The following SMG1 variants were observed in gnomAD, a reference collection of about 807,000 sequenced individuals.
The protein encoded by SMG1 is SMG1 nonsense mediated mRNA decay associated PI3K related kinase, also known as serine/threonine-protein kinase SMG1.
In SMG1, 22 loss-of-function variants were observed where a neutral mutation model predicts 419.9. The observed-to-expected ratio is 0.05, with a 90% CI of 0.04 to 0.07. The LOEUF (loss-of-function observed/expected upper bound fraction) is 0.07, where lower values mean the gene tolerates loss of function less well. Ranked by LOEUF, SMG1 falls within the 10% of genes least tolerant of loss-of-function variation. SMG1 has a pLI of 1.00. For synonymous variants in SMG1, 1,538 were observed against 1,553.5 expected, an observed-to-expected ratio of 0.99 and a Z score of 0.23; for missense variants, 3,185 against 4,342.0, an observed-to-expected ratio of 0.73 and a Z score of 7.49.
chr16:18,817,190 A>C, intron 57 of SMG1, 101 bp downstream of exon 57: 5 of 858,694 alleles, frequency 5.8e-6, no homozygotes, highest in Non-Finnish European at 6.2e-6. Context: ...TCTTACATAC[A>C]GTATATGCTC....
intron 39 of SMG1, 107 bp from the exon 40 acceptor site, chr16:18,842,561 A>C (rs2141306239): frequency 3.7e-4 from 405 of 1,108,482 alleles, no homozygotes; most frequent in Non-Finnish European, 4.7e-4. Context: ...GCGGCAGCTC[A>C]TGCCTGTAAT....
intron 13 of SMG1, among the ~76,000 whole-genome samples, chr16:18,873,960 G>A (rs111236423): frequency 0.01 from 1,542 of 152,158 alleles, 33 homozygotes; most frequent in African/African-American, 0.035. Flanking sequence ...TTTCGTGTTC[G>A]AAGAAGAATT....
At chr16:18,870,083 A>T in intron 18 of SMG1, 89 bp from the exon 19 acceptor site, 1 of 693,926 alleles carries the variant, frequency 1.4e-6, no homozygotes, top group Non-Finnish European at 2.4e-6. Flanking sequence ...TTATTAACTC[A>T]CTGGAGGTAA....
At chr16:18,877,266 T>C in intron 11 of SMG1, 34 bp from the exon 12 acceptor site, 1 of 1,451,006 alleles carries the variant, frequency 6.9e-7, no homozygotes, top group Non-Finnish European at 9.3e-7. Context: ...AATGAGCTTC[T>C]CCAATTACAA....
At chr16:18,869,413 A>G (rs542451909) in intron 19 of SMG1, 110 bp from the exon 20 acceptor site, 5 of 912,842 alleles carry the variant, frequency 5.5e-6, no homozygotes, top group Non-Finnish European at 6.6e-6. Flanking sequence ...CCTACTCCAA[A>G]AAAGGCAAAA....
rs573739105 is a variant in SMG1, at chr16:18,882,195, A to G, written c.1263T>C (p.Gly421=). 4.4e-6 allele frequency: 7 copies of G among 1,586,260 alleles called. No individual in the cohort carries two copies. In the Admixed American group the frequency reaches 7.2e-5, roughly 16 times the overall value. The change falls in exon 10 of 63, where the codon GGT becomes GGC. Residue 421 remains glycine, a synonymous_variant. Coordinates refer to ENST00000446231, the MANE Select transcript of SMG1 (RefSeq NM_015092.5). The stretch of plus-strand genomic sequence containing the variant: ...TTACATATGCCTCAGTAATTGGAGG[A>G]CCCCGAATTGGGCTGAAGCGTTCCC... ...SIGERFSPIR[G]PPITEAYVTD... is the part of the protein sequence containing the mutation.
At chr16:18,851,760 C>A (rs1030921873) in intron 33 of SMG1, among the ~76,000 whole-genome samples, 2 of 152,058 alleles carry the variant, frequency 1.3e-5, no homozygotes, top group Admixed American at 6.6e-5. Context: ...CCAGGCTGGT[C>A]TCGAACTCCT....
At chr16:18,863,091 G>A (rs1243325886) in intron 25 of SMG1, among the ~76,000 whole-genome samples, 1 of 152,226 alleles carries the variant, frequency 6.6e-6, no homozygotes, top group Non-Finnish European at 1.5e-5. Context: ...CATAGTACAT[G>A]CTCAGTGAAG....
At chr16:18,849,476 C>T (rs2034471991) in intron 35 of SMG1, 98 bp from the exon 36 acceptor site, 18 of 1,155,554 alleles carry the variant, frequency 1.6e-5, no homozygotes, top group Middle Eastern at 2.1e-4. Context: ...TGATGTGTGT[C>T]GGCATTAGTA....
At chr16:18,828,003 C>T in intron 55 of SMG1, 28 bp downstream of exon 55, 3 of 1,599,146 alleles carry the variant, frequency 1.9e-6, no homozygotes, top group Admixed American at 1.7e-5. Context: ...AAGAAAATGC[C>T]CTGGAAGGAA....
At chr16:18,879,847 A>G in intron 10 of SMG1, 128 bp from the exon 11 acceptor site, 1 of 714,564 alleles carries the variant, frequency 1.4e-6, no homozygotes, top group Non-Finnish European at 2.4e-6. Context: ...GTCTCTTAAT[A>G]TTCTAGTTCT....
chr16:18,910,410 T>C (rs1292147714), intron 1 of SMG1, among the ~76,000 whole-genome samples: 1 of 151,854 alleles, frequency 6.6e-6, no homozygotes, highest in Non-Finnish European at 1.5e-5. Context: ...TTTGTATTTT[T>C]AGTAGAGACG....
rs1483158977 is a variant in SMG1, at chr16:18,816,608, A to G, written c.10075-79T>C. On this transcript the variant is annotated intron_variant, in intron 57 of 62. Transcript: ENST00000446231. ...CTTTCTTCATTAACATCATCAAAAGATATTAGTAACTCAAGCTGACACAAA... is the reference window on the plus strand; with the variant it reads ...CTTTCTTCATTAACATCATCAAAAGGTATTAGTAACTCAAGCTGACACAAA... The G allele has an allele frequency of 9.2e-6, 11 of 1,196,732 alleles. No homozygotes were observed. The East Asian group carries it at 2.7e-4, about 29-fold the overall frequency. 74.1% of individuals were successfully genotyped at this position (1,196,732 alleles called of 1,614,324 possible).
At chr16:18,899,744 A>G (rs562421692) in intron 1 of SMG1, among the ~76,000 whole-genome samples, 7 of 152,316 alleles carry the variant, frequency 4.6e-5, no homozygotes, top group Admixed American at 3.9e-4. Context: ...CTAGTTAGTT[A>G]GAAGAGCTGA....
rs1168989977 is a variant in SMG1, at chr16:18,863,782, T to A, written c.3563A>T (p.Asn1188Ile). The A allele has an allele frequency of 6.3e-7, 1 of 1,585,144 alleles. No individual in the cohort carries two copies. Among genetic ancestry groups the A allele is most frequent in the African/African-American group, 1.3e-5 (1 of 74,388 alleles). Residue 1188 changes from asparagine (N) to isoleucine (I), a missense_variant, in exon 25 of 63, where the codon AAT (asparagine) becomes ATT (isoleucine). Physicochemically the swap from Asn to Ile is moderately radical, Grantham distance 149. This residue lies in a region of SMG1 where 120 missense variants were observed against 193.3 expected (regional missense o/e 0.62). Coordinates refer to ENST00000446231, the MANE Select transcript of SMG1 (RefSeq NM_015092.5). ...TGAGATGTAGCACTCACATGCTTTA[T>A]TTCCTAAATAATTTATAACCTCAGG... ...SSPEVINYLG[N>I]KACECYISIA... is the part of the protein sequence containing the mutation.
intron 21 of SMG1, 46 bp from the exon 22 acceptor site, chr16:18,868,400 G>C (rs1347936533): frequency 7.4e-6 from 9 of 1,208,882 alleles, no homozygotes; most frequent in African/African-American, 1.5e-5. Flanking sequence ...TCAATTTGTA[G>C]GTAAGGATGT....
chr16:18,878,729 C>G (rs2036256044), intron 11 of SMG1: 1 of 152,106 alleles, frequency 6.6e-6, no homozygotes, highest in South Asian at 2.1e-4. Context: ...AAATAGAGGC[C>G]TGGTAGAGTG....
At chr16:18,880,221 A>T (rs12448072) in intron 10 of SMG1, among the ~76,000 whole-genome samples, 73,454 of 152,032 alleles carry the variant, frequency 0.48, 18,242 homozygotes, top group Middle Eastern at 0.59. Flanking sequence ...GCTTACCACA[A>T]AATACCTTCA....
chr16:18,868,100 T>A, intron 22 of SMG1, 90 bp downstream of exon 22: 1 of 957,302 alleles, frequency 1.0e-6, no homozygotes, highest in African/African-American at 1.6e-5. Context: ...CTTTAACTTA[T>A]TTTATCCATA....
Sources: gnomAD v4.1 joint callset for allele counts (sites outside exome capture counted in the v4.1 genomes callset) on GRCh38, gnomAD v4.1.1 for gene constraint, gnomAD v4.1.1 regional missense constraint, MANE v1.5 for transcripts, NCBI Gene and HGNC (gene_info 2026-07-23, HGNC 2026-07-21) for gene names.